CALCOCO2: variants seen among roughly 807,000 people sequenced by gnomAD.
The protein encoded by CALCOCO2 is calcium-binding and coiled-coil domain-containing protein 2.
CALCOCO2 carries 42 observed loss-of-function variants against 62.5 expected under a neutral mutation model. That is an observed-to-expected ratio of 0.67 (90% CI 0.53 to 0.87). The LOEUF (loss-of-function observed/expected upper bound fraction) is 0.87, where lower values mean the gene tolerates loss of function less well. Ranked by LOEUF, CALCOCO2 falls within the 40% of genes least tolerant of loss-of-function variation. The pLI is 0.00. For synonymous variants in CALCOCO2, 167 were observed against 173.0 expected (o/e 0.97, Z 0.27); for missense variants, 456 against 515.0 (o/e 0.89, Z 1.11).
intron 2 of CALCOCO2, chr17:48,846,526 T>A: frequency 7.6e-7 from 1 of 1,323,774 alleles, no homozygotes. Flanking sequence ...TGGCTAGAAG[T>A]TGTTTCCCTG....
At chr17:48,858,062 A>G (rs186863071) in intron 10 of CALCOCO2, among the ~76,000 whole-genome samples, 37 of 142,568 alleles carry the variant, frequency 2.6e-4, no homozygotes, top group African/African-American at 6.5e-4. Context: ...AATAGAATAG[A>G]ATAGAATAGA....
chr17:48,858,036 ATAGAATAGAAAATAG>A (rs1567759373), intron 10 of CALCOCO2, among the ~76,000 whole-genome samples: 2 of 15,668 alleles, frequency 1.3e-4, no homozygotes, highest in African/African-American at 2.7e-4. Flanking sequence ...ATAGAATAGA[ATAGAATAGAAAATAG>A]AATAGAATAG....
chr17:48,842,210 C>T lies in CALCOCO2; in HGVS notation c.180+323C>T, dbSNP rs1392000077. On this transcript the variant is annotated intron_variant, in intron 2 of 12. Transcript: ENST00000258947. ...TTGCTCTGTCACCTAGGCTGGAGTG[C>T]AATGGCACGATTTGTCTCACTGCTA... The T allele has an allele frequency of 2.1e-5, 3 of 146,184 alleles. No homozygotes were observed. In the Admixed American group the frequency reaches 2.3e-4, roughly 11 times the overall value. 9.1% of individuals were successfully genotyped at this position (146,184 alleles called of 1,614,324 possible). A position where few individuals can be genotyped will look rare whatever the true frequency, so the allele number is the denominator to read the frequency against.
rs1380962798 is a variant in CALCOCO2 at position 48,863,779 on chromosome 17, GAAT to G, written c.*778_*780del. On this transcript the variant is annotated 3_prime_UTR_variant, in exon 13 of 13. Coordinates refer to ENST00000258947, the MANE Select transcript of CALCOCO2 (RefSeq NM_005831.5). ...GTGAGTTTTGAATATGGGTAAATCA[GAAT>G]AATGAGACAACTTGTTAATCTCTTT... is the stretch of plus-strand genomic sequence containing the variant. 3.3e-5 allele frequency: 5 copies of G among 152,200 alleles called. No homozygotes were observed. The highest frequency in any genetic ancestry group is 7.3e-5 in the Non-Finnish European group (5 of 68,046). 9.4% of individuals were successfully genotyped at this position (152,200 alleles called of 1,614,324 possible).
chr17:48,858,019 G>GAA (rs1466819185), intron 10 of CALCOCO2, among the ~76,000 whole-genome samples: 7 of 15,460 alleles, frequency 4.5e-4, no homozygotes, highest in Admixed American at 1.0e-3. Flanking sequence ...GAATAGAATA[G>GAA]AATAGAATAG....
In CALCOCO2 at chr17:48,849,484, C is replaced by G. The variant is rs1284777411; in HGVS notation, c.543+107C>G. ...TTGCCTGTGATCTCACCTTCTTATA[C>G]CAGTATCTTTGAACAGGCATTAGTT... is the stretch of plus-strand genomic sequence containing the variant. On this transcript the variant is annotated intron_variant, in intron 5 of 12. Transcript: ENST00000258947. 1.1e-5 allele frequency: 10 copies of G among 918,722 alleles called. No individual in the cohort carries two copies. The Admixed American group carries it at 2.3e-4, about 21-fold the overall frequency. 56.9% of individuals were successfully genotyped at this position (918,722 alleles called of 1,614,324 possible).
intron 10 of CALCOCO2, among the ~76,000 whole-genome samples, chr17:48,857,977 TAG>T (rs1436014086): frequency 5.5e-5 from 1 of 18,314 alleles, no homozygotes; most frequent in South Asian, 2.9e-3. Flanking sequence ...ACTACATCAA[TAG>T]AATAGAATAG....
At chr17:48,856,001 C>T (rs533835841) in intron 9 of CALCOCO2, 91 bp from the exon 10 acceptor site, 13 of 557,604 alleles carry the variant, frequency 2.3e-5, no homozygotes, top group Middle Eastern at 5.0e-4. Flanking sequence ...TCAGTCTCCC[C>T]GCTTTGCAAT....
At chr17:48,861,661 G>C (rs9748002) in intron 11 of CALCOCO2, among the ~76,000 whole-genome samples, 1 of 135,158 alleles carries the variant, frequency 7.4e-6, no homozygotes, top group African/African-American at 2.9e-5. Flanking sequence ...ATGTGTGTGT[G>C]TATATATATA....
chr17:48,856,072 A>ATT lies in CALCOCO2; in HGVS notation c.913-13_913-12dup. On this transcript the variant is annotated intron_variant, in intron 9 of 12. Transcript: ENST00000258947. The stretch of plus-strand genomic sequence containing the variant: ...ACTGCAATATGTGATCCTAATCCTA[A>ATT]TTTTTTTTATTGTTGACAGGATGAA... 2 of 1,381,574 alleles carry ATT rather than the reference A, an allele frequency of 1.4e-6. No homozygotes were observed. Among genetic ancestry groups the ATT allele is most frequent in the Non-Finnish European group, 2.0e-6 (2 of 978,852 alleles). The allele number at this position is 1,381,574 out of a possible 1,614,324, so 85.6% of individuals were successfully genotyped here. A position where few individuals can be genotyped will look rare whatever the true frequency, so the allele number is the denominator to read the frequency against.
chr17:48,858,047 A>AGCATAGCATAGCATAGC (rs1567759487), intron 10 of CALCOCO2, among the ~76,000 whole-genome samples: 1 of 856 alleles, frequency 1.2e-3, no homozygotes, highest in Non-Finnish European at 3.4e-3. Context: ...TAGAATAGAA[A>AGCATAGCATAGCATAGC]ATAGAATAGA....
At chr17:48,861,626 CAT>C (rs751145715) in intron 11 of CALCOCO2, among the ~76,000 whole-genome samples, 181 of 112,656 alleles carry the variant, frequency 1.6e-3, no homozygotes, top group East Asian at 5.3e-3. Flanking sequence ...GACTGTATAA[CAT>C]ATATATATAT....
rs920378940 is a variant in CALCOCO2 at position 48,838,718 on chromosome 17, A to AAT, written c.-10-2966_-10-2965dup. On this transcript the variant is annotated intron_variant, in intron 1 of 12. Transcript: ENST00000258947. ...GACAAAGCGAGACTCTGTCTTAAAA[A>AAT]ATATATATATATATAACAATTACAT... 3.7e-4 allele frequency among the ~76,000 whole-genome samples: 56 copies of AAT among 151,152 alleles called. 1 individual carries two copies. The South Asian group carries it at 5.6e-3, about 15-fold the overall frequency.
In CALCOCO2 at chr17:48,831,357, C is replaced by T. The variant is rs527954073; in HGVS notation, c.-11+279C>T. The T allele has an allele frequency of 3.4e-3, 510 of 152,236 alleles. 5 individuals carry two copies. Among genetic ancestry groups the T allele is most frequent in the Non-Finnish European group, 3.7e-3 (252 of 68,140 alleles). 9.4% of individuals were successfully genotyped at this position (152,236 alleles called of 1,614,324 possible). On this transcript the variant is annotated intron_variant, in intron 1 of 12. Coordinates refer to ENST00000258947, the MANE Select transcript of CALCOCO2 (RefSeq NM_005831.5). ...CGGGAAGAAGTGACACCCCTGGCGG[C>T]GGCGAGGGTCTTGAGGCGGCGGCTG...
chr17:48,846,255 G>A (rs2040052085), intron 2 of CALCOCO2, among the ~76,000 whole-genome samples: 3 of 152,106 alleles, frequency 2.0e-5, no homozygotes. Flanking sequence ...TCGTGTCTCA[G>A]CCACTGAGTA....
At position 48,858,066 on chromosome 17, in the gene CALCOCO2, G is replaced by C. The variant is rs563805845; in HGVS notation, c.1008+1879G>C. ...ATAGAAAATAGAATAGAATAGAATA[G>C]AATAGAATTTTACCATCTTAATAAT... is the stretch of plus-strand genomic sequence containing the variant. On this transcript the variant is annotated intron_variant, in intron 10 of 12. Coordinates refer to ENST00000258947, the MANE Select transcript of CALCOCO2 (RefSeq NM_005831.5). 1.1e-3 allele frequency among the ~76,000 whole-genome samples: 160 copies of C among 144,686 alleles called. 1 individual carries two copies. The highest frequency in any genetic ancestry group is 1.8e-3 in the Admixed American group (26 of 14,580). 94.9% of individuals were successfully genotyped at this position (144,686 alleles called of 152,430 possible). A position where few individuals can be genotyped will look rare whatever the true frequency, so the allele number is the denominator to read the frequency against.
At chr17:48,858,037 T>G (rs1344247051) in intron 10 of CALCOCO2, among the ~76,000 whole-genome samples, 1 of 15,862 alleles carries the variant, frequency 6.3e-5, no homozygotes, top group East Asian at 1.6e-3. Context: ...TAGAATAGAA[T>G]AGAATAGAAA....
chr17:48,861,792 A>T (rs1298498477), intron 11 of CALCOCO2, among the ~76,000 whole-genome samples: 1 of 151,544 alleles, frequency 6.6e-6, no homozygotes, highest in Non-Finnish European at 1.5e-5. Context: ...TCACTCCTGT[A>T]ATCCCAGCAC....
intron 11 of CALCOCO2, among the ~76,000 whole-genome samples, chr17:48,861,271 TCAA>T (rs1164114762): frequency 6.6e-6 from 1 of 151,970 alleles, no homozygotes; most frequent in Non-Finnish European, 1.5e-5. Context: ...TCTCCTGGGC[TCAA>T]CCGATCCTCT....
Sources: allele counts gnomAD v4.1 joint callset (sites outside exome capture counted in the v4.1 genomes callset), GRCh38; gene constraint gnomAD v4.1.1; transcripts MANE v1.5; gene names NCBI Gene and HGNC (gene_info 2026-07-23, HGNC 2026-07-21).